ADGRB3: variants seen among roughly 807,000 people sequenced by gnomAD.
ADGRB3 encodes the protein adhesion G protein-coupled receptor B3, also known as brain-specific angiogenesis inhibitor 3.
In ADGRB3, 37 loss-of-function variants were observed where a neutral mutation model predicts 193.4. The observed-to-expected ratio is 0.19, with a 90% CI of 0.15 to 0.25. The LOEUF (loss-of-function observed/expected upper bound fraction) is 0.25, where lower values mean the gene tolerates loss of function less well. Ranked by LOEUF, ADGRB3 falls within the 10% of genes least tolerant of loss-of-function variation. The pLI is 1.00. For missense variants in ADGRB3, 1,637 were observed against 1,852.9 expected (o/e 0.88, Z 2.14); for synonymous variants, 690 against 644.2 (o/e 1.07, Z -1.08).
chr6:69,060,245 T>G (rs1483555541), intron 15 of ADGRB3, among the ~76,000 whole-genome samples: 1 of 151,326 alleles, frequency 6.6e-6, no homozygotes, highest in Admixed American at 6.6e-5. Context: ...TCTCTCTCTC[T>G]CTCTCCTCCT....
At chr6:68,885,121 G>C (rs972471501) in intron 3 of ADGRB3, among the ~76,000 whole-genome samples, 4 of 152,164 alleles carry the variant, frequency 2.6e-5, no homozygotes, top group Non-Finnish European at 4.4e-5. Context: ...TGATTGGTCA[G>C]AGGTCCCCAG....
At chr6:68,831,590 G>A (rs1425181376) in intron 3 of ADGRB3, among the ~76,000 whole-genome samples, 2 of 152,240 alleles carry the variant, frequency 1.3e-5, no homozygotes, top group Non-Finnish European at 1.5e-5. Flanking sequence ...GAGCTTGTGG[G>A]TGAGGAAACA....
intron 30 of ADGRB3, among the ~76,000 whole-genome samples, chr6:69,374,756 T>TCCTAGTA (rs1769778458): frequency 6.6e-6 from 1 of 152,080 alleles, no homozygotes; most frequent in Non-Finnish European, 1.5e-5. Flanking sequence ...CCTCCAGAGA[T>TCCTAGTA]CCTAGTACCT....
chr6:69,298,568 T>A (rs1165158775), intron 20 of ADGRB3, among the ~76,000 whole-genome samples: 1 of 151,940 alleles, frequency 6.6e-6, no homozygotes, highest in Non-Finnish European at 1.5e-5. Context: ...CTCGTAACCA[T>A]CATTCTAATG....
At chr6:68,897,547 G>A (rs1315157047) in intron 3 of ADGRB3, among the ~76,000 whole-genome samples, 1 of 92,586 alleles carries the variant, frequency 1.1e-5, no homozygotes, top group Non-Finnish European at 2.2e-5. Context: ...AGGGAAGGAA[G>A]GAAGGAAGGA....
intron 17 of ADGRB3, among the ~76,000 whole-genome samples, chr6:69,124,563 G>C (rs1323033116): frequency 1.3e-5 from 2 of 152,070 alleles, no homozygotes; most frequent in Non-Finnish European, 2.9e-5. Flanking sequence ...ACTTTATAGA[G>C]ACTGACAAAT....
At chr6:69,232,968 G>C in intron 17 of ADGRB3, 1 of 427,564 alleles carries the variant, frequency 2.3e-6, no homozygotes, top group Non-Finnish European at 4.2e-6. Flanking sequence ...GGCTGCCAAC[G>C]CTCTGGCGGC....
intron 13 of ADGRB3, among the ~76,000 whole-genome samples, chr6:69,040,337 C>A (rs985824754): frequency 2.0e-5 from 1 of 49,224 alleles, no homozygotes; most frequent in African/African-American, 6.1e-5. Flanking sequence ...TTCTTTCTTT[C>A]TTTCTTTCTT....
Position 69,239,147 on chromosome 6 carries a change from T to C in ADGRB3, c.2735T>C (p.Ile912Thr), listed in dbSNP as rs1280537361. ...AGGTACATACGCTCTGAGAGATCCA[T>C]AATACTAATTAACTTCTGCCTGTCT... ...LWRYIRSERS[I>T]ILINFCLSII... The change falls in exon 20 of 32, where the codon ATA (isoleucine) becomes ACA (threonine). Residue 912 changes from isoleucine to threonine, a missense_variant. This residue lies in a region of ADGRB3 where 641 missense variants were observed against 673.9 expected (regional missense o/e 0.95). Transcript: ENST00000370598. The C allele has an allele frequency of 1.2e-6, 2 of 1,602,726 alleles. No individual in the cohort carries two copies. The highest frequency in any genetic ancestry group is 3.3e-4 in the Middle Eastern group (2 of 6,022).
rs551214524 is a variant in ADGRB3 at position 69,132,196 on chromosome 6, C to T, written c.2480+56158C>T. Reference sequence around the variant, plus strand: ...TTCTGATTCTAGATCTTTGAGGAATCGCCACACTGTCCTCCATAATGGTTG... The same window carrying T: ...TTCTGATTCTAGATCTTTGAGGAATTGCCACACTGTCCTCCATAATGGTTG... On this transcript the variant is annotated intron_variant, in intron 17 of 31. Transcript: ENST00000370598. 3.9e-5 allele frequency among the ~76,000 whole-genome samples: 6 copies of T among 152,246 alleles called. No individual in the cohort carries two copies. In the East Asian group the frequency reaches 5.8e-4, roughly 15 times the overall value.
chr6:69,222,314 A>G (rs957404514), intron 17 of ADGRB3, among the ~76,000 whole-genome samples: 4 of 152,200 alleles, frequency 2.6e-5, no homozygotes, highest in Admixed American at 6.5e-5. Flanking sequence ...CCTTGTCCAT[A>G]CAACCACTAA....
rs543332194 is a variant in ADGRB3, at chr6:68,679,558, A to G, written c.757+40126A>G. Among the ~76,000 whole-genome samples the G allele has an allele frequency of 1.2e-3, 188 of 152,170 alleles. 2 individuals carry two copies. Among genetic ancestry groups the G allele is most frequent in the African/African-American group, 4.2e-3 (176 of 41,532 alleles). ...AGCTGCTTTTCAGGAAAAAAAAAAT[A>G]CATGAAAGGAGAAGCACAAATTTTG... On this transcript the variant is annotated intron_variant, in intron 3 of 31. Transcript: ENST00000370598.
At chr6:69,274,475 T>TCCTTCCTTCCTTCCTTCCTCCCTC (rs1057078353) in intron 20 of ADGRB3, among the ~76,000 whole-genome samples, 9 of 115,984 alleles carry the variant, frequency 7.8e-5, no homozygotes, top group East Asian at 4.4e-4. Flanking sequence ...CTTCCTTCCT[T>TCCTTCCTTCCTTCCTTCCTCCCTC]CCTCCCTCCC....
intron 17 of ADGRB3, among the ~76,000 whole-genome samples, chr6:69,125,086 A>C (rs1471608185): frequency 6.6e-6 from 1 of 152,174 alleles, no homozygotes; most frequent in Non-Finnish European, 1.5e-5. Context: ...GTTGACAAGC[A>C]GGCTTCCTCT....
intron 17 of ADGRB3, among the ~76,000 whole-genome samples, chr6:69,155,481 C>T (rs1774809332): frequency 6.6e-6 from 1 of 152,152 alleles, no homozygotes; most frequent in African/African-American, 2.4e-5. Flanking sequence ...ACAGGGAATA[C>T]CTTTTGTTCT....
At chr6:69,083,162 C>T (rs1772437289) in intron 17 of ADGRB3, among the ~76,000 whole-genome samples, 1 of 152,178 alleles carries the variant, frequency 6.6e-6, no homozygotes, top group South Asian at 2.1e-4. Flanking sequence ...ATGTATAGTT[C>T]TTGAGTAATA....
At chr6:68,806,189 A>G (rs1767397487) in intron 3 of ADGRB3, among the ~76,000 whole-genome samples, 1 of 152,234 alleles carries the variant, frequency 6.6e-6, no homozygotes, top group African/African-American at 2.4e-5. Flanking sequence ...AATACAAAGC[A>G]AACAAGATAA....
At chr6:69,250,181 AG>A (rs1367107152) in intron 20 of ADGRB3, among the ~76,000 whole-genome samples, 1 of 152,216 alleles carries the variant, frequency 6.6e-6, no homozygotes, top group Non-Finnish European at 1.5e-5. Context: ...GGACTACAGA[AG>A]GTTTTGAATG....
At chr6:69,141,903 G>A (rs768534318) in intron 17 of ADGRB3, among the ~76,000 whole-genome samples, 3 of 152,178 alleles carry the variant, frequency 2.0e-5, no homozygotes, top group African/African-American at 7.2e-5. Context: ...AAGAAGCAGG[G>A]TTGGGACTAG....
Sources: allele counts gnomAD v4.1 joint callset (sites outside exome capture counted in the v4.1 genomes callset), GRCh38; gene constraint gnomAD v4.1.1; regional missense constraint gnomAD v4.1.1; transcripts MANE v1.5; gene names NCBI Gene and HGNC (gene_info 2026-07-23, HGNC 2026-07-21).